MAD1L1: variants seen among roughly 807,000 people sequenced by gnomAD.
MAD1L1 encodes the protein mitotic arrest deficient 1 like 1.
A neutral mutation model predicts 96.9 loss-of-function variants in MAD1L1; 95 were observed. That is an observed-to-expected ratio of 0.98 (90% CI 0.83 to 1.16). The LOEUF is 1.16. Ranked by LOEUF, MAD1L1 falls within the 50% of genes most tolerant of loss-of-function variation. The probability of loss-of-function intolerance (pLI) is 0.00; values close to 1 mark genes in which losing one functional copy is unlikely to be tolerated. For missense variants in MAD1L1, 1,007 were observed against 954.4 expected (o/e 1.06, Z -0.73); for synonymous variants, 473 against 396.6 (o/e 1.19, Z -2.29).
intron 13 of MAD1L1, 34 bp downstream of exon 13, chr7:2,014,468 T>C: frequency 6.6e-7 from 1 of 1,525,032 alleles, no homozygotes; most frequent in South Asian, 1.2e-5. Context: ...AAGCCCCACC[T>C]GGCGACGTGA....
intron 16 of MAD1L1, among the ~76,000 whole-genome samples, chr7:1,947,658 G>C (rs897389110): frequency 2.0e-5 from 3 of 151,804 alleles, no homozygotes; most frequent in African/African-American, 7.3e-5. Flanking sequence ...CCTGCCCGTG[G>C]CCTTGCCCGC....
At chr7:1,974,964 G>A (rs757427305) in intron 15 of MAD1L1, among the ~76,000 whole-genome samples, 2 of 152,202 alleles carry the variant, frequency 1.3e-5, no homozygotes, top group African/African-American at 2.4e-5. Context: ...GCCGGACCTG[G>A]GGAGCGCACC....
At chr7:2,031,018 C>T (rs1172418821) in intron 12 of MAD1L1, among the ~76,000 whole-genome samples, 3 of 152,208 alleles carry the variant, frequency 2.0e-5, no homozygotes, top group Admixed American at 6.5e-5. Context: ...TTCTGCTGGG[C>T]GACTGGATTC....
chr7:2,185,806 C>T (rs926173119), intron 10 of MAD1L1, among the ~76,000 whole-genome samples: 13 of 152,180 alleles, frequency 8.5e-5, no homozygotes, highest in Non-Finnish European at 1.5e-4. Context: ...GCGTCCTCTA[C>T]CTCCATTTGT....
intron 12 of MAD1L1, among the ~76,000 whole-genome samples, chr7:2,015,997 A>G (rs1400076919): frequency 6.6e-6 from 1 of 152,204 alleles, no homozygotes; most frequent in Non-Finnish European, 1.5e-5. Context: ...TATAAGATGC[A>G]GGTTCAAGCC....
intron 13 of MAD1L1, among the ~76,000 whole-genome samples, chr7:2,012,436 C>G (rs948038612): frequency 5.3e-5 from 8 of 152,228 alleles, no homozygotes; most frequent in African/African-American, 1.7e-4. Flanking sequence ...AAGGGTGTTG[C>G]AATGAGATGG....
chr7:1,972,259 T>C (rs1449209806), intron 15 of MAD1L1, among the ~76,000 whole-genome samples: 1 of 152,230 alleles, frequency 6.6e-6, no homozygotes, highest in Non-Finnish European at 1.5e-5. Context: ...AGCAATCTCT[T>C]CAATTTTCTG....
At chr7:1,848,540 G>C (rs1000576989) in intron 18 of MAD1L1, 4 of 129,430 alleles carry the variant, frequency 3.1e-5, no homozygotes, top group African/African-American at 1.2e-4. Flanking sequence ...AGATCTCCTG[G>C]GATTCAAGAC....
chr7:1,918,001 G>C (rs1009489184), intron 17 of MAD1L1, among the ~76,000 whole-genome samples: 1 of 152,262 alleles, frequency 6.6e-6, no homozygotes, highest in East Asian at 1.9e-4. Flanking sequence ...CTGGGGAGGG[G>C]CCCAGGCAGC....
chr7:1,918,400 C>T (rs1000741647), intron 17 of MAD1L1, among the ~76,000 whole-genome samples: 2 of 152,168 alleles, frequency 1.3e-5, no homozygotes, highest in African/African-American at 4.8e-5. Flanking sequence ...GTCTTGGGGC[C>T]CCCGAGCATG....
chr7:1,942,824 C>T (rs1779062837), intron 16 of MAD1L1, among the ~76,000 whole-genome samples: 1 of 152,112 alleles, frequency 6.6e-6, no homozygotes, highest in Non-Finnish European at 1.5e-5. Context: ...AGAAGAGCCA[C>T]CACAGGCTTG....
intron 18 of MAD1L1, among the ~76,000 whole-genome samples, chr7:1,892,704 C>G (rs1300046734): frequency 1.3e-5 from 2 of 152,194 alleles, no homozygotes; most frequent in Non-Finnish European, 2.9e-5. Flanking sequence ...GACATCGCCA[C>G]ATGTTTGTGC....
At chr7:2,057,023 G>A (rs1047356645) in intron 12 of MAD1L1, among the ~76,000 whole-genome samples, 1 of 152,190 alleles carries the variant, frequency 6.6e-6, no homozygotes, top group Non-Finnish European at 1.5e-5. Context: ...CAGCAAGGGC[G>A]CCTGTTCACC....
intron 10 of MAD1L1, among the ~76,000 whole-genome samples, chr7:2,150,348 T>A (rs139015421): frequency 6.6e-6 from 1 of 152,082 alleles, no homozygotes; most frequent in Non-Finnish European, 1.5e-5. Context: ...TCCTGCTGCC[T>A]AAAACGCGCA....
intron 10 of MAD1L1, among the ~76,000 whole-genome samples, chr7:2,183,306 G>A (rs1791294074): frequency 6.6e-6 from 1 of 151,962 alleles, no homozygotes. Flanking sequence ...GCCACAGACA[G>A]GGCAAAAATG....
chr7:1,958,306 G>T (rs993635728), intron 15 of MAD1L1, among the ~76,000 whole-genome samples: 1 of 152,180 alleles, frequency 6.6e-6, no homozygotes, highest in African/African-American at 2.4e-5. Context: ...GGCCGCAACC[G>T]GAATGGGGCC....
intron 16 of MAD1L1, among the ~76,000 whole-genome samples, chr7:1,945,138 C>T (rs893253437): frequency 1.3e-5 from 2 of 152,188 alleles, no homozygotes; most frequent in Admixed American, 6.5e-5. Flanking sequence ...GGTGCCTCGG[C>T]GCCCGCTCAG....
At chr7:2,054,622 C>T (rs182163560) in intron 12 of MAD1L1, among the ~76,000 whole-genome samples, 5 of 152,102 alleles carry the variant, frequency 3.3e-5, no homozygotes, top group South Asian at 2.1e-4. Context: ...TGGGAAAGGG[C>T]GATATATTAA....
intron 10 of MAD1L1, among the ~76,000 whole-genome samples, chr7:2,212,491 C>G (rs1461263147): frequency 6.6e-6 from 1 of 152,194 alleles, no homozygotes. Flanking sequence ...TCCCTCACAG[C>G]TTGGGTCTGT....
Sources: gnomAD v4.1 joint callset for allele counts (sites outside exome capture counted in the v4.1 genomes callset) on GRCh38, gnomAD v4.1.1 for gene constraint, MANE v1.5 for transcripts, NCBI Gene and HGNC (gene_info 2026-07-23, HGNC 2026-07-21) for gene names.